PTPA: variants seen among roughly 807,000 people sequenced by gnomAD.
The protein encoded by PTPA is serine/threonine-protein phosphatase 2A activator.
In PTPA, 13 loss-of-function variants were observed where a neutral mutation model predicts 43.6. The observed-to-expected ratio is 0.30, with a 90% CI of 0.19 to 0.47. PTPA has a LOEUF of 0.47. Among genes scored for constraint, PTPA ranks in the 20% least tolerant of loss-of-function variants. The pLI, the probability that PTPA is intolerant of heterozygous loss-of-function variation, is 0.99. For missense variants in PTPA, 329 were observed against 411.9 expected, an observed-to-expected ratio of 0.80 and a Z score of 1.74; for synonymous variants, 172 against 158.2, an observed-to-expected ratio of 1.09 and a Z score of -0.66.
At chr9:129,133,406 G>T (rs1407267796) in intron 5 of PTPA, among the ~76,000 whole-genome samples, 2 of 152,208 alleles carry the variant, frequency 1.3e-5, no homozygotes, top group Non-Finnish European at 2.9e-5. Context: ...ATGGGAGCCT[G>T]GGCCCTGTCT....
rs527665789 is a variant in PTPA, at chr9:129,113,981, T to C, written c.31+2350T>C. Among the ~76,000 whole-genome samples the C allele has an allele frequency of 2.6e-5, 4 of 152,230 alleles. No homozygotes were observed. The South Asian group carries it at 8.3e-4, about 32-fold the overall frequency. The stretch of plus-strand genomic sequence containing the variant: ...AGCCAGGTCCCTGGTTGTGGTCCTT[T>C]TTTGAAATTTGAAACAGAACTTTTG... On this transcript the variant is annotated intron_variant, in intron 1 of 9. Coordinates refer to ENST00000393370, the MANE Select transcript of PTPA (RefSeq NM_178000.3).
intron 3 of PTPA, among the ~76,000 whole-genome samples, chr9:129,123,975 G>A (rs972784442): frequency 4.8e-5 from 7 of 146,266 alleles, no homozygotes; most frequent in Middle Eastern, 3.4e-3. Flanking sequence ...GAGCCACTGC[G>A]CCTGGCCTGG....
chr9:129,143,717 A>C, intron 9 of PTPA: 2 of 371,670 alleles, frequency 5.4e-6, no homozygotes, highest in Non-Finnish European at 1.0e-5. Context: ...TCCAGCCCAC[A>C]TACCTCTCTA....
chr9:129,117,523 C>T (rs1015969820), intron 1 of PTPA, among the ~76,000 whole-genome samples: 14 of 152,006 alleles, frequency 9.2e-5, no homozygotes, highest in Non-Finnish European at 1.2e-4. Flanking sequence ...TCTGCCTCAG[C>T]CTCCCGAGTA....
chr9:129,140,897 C>T (rs1297857626), intron 8 of PTPA, among the ~76,000 whole-genome samples: 1 of 152,140 alleles, frequency 6.6e-6, no homozygotes, highest in African/African-American at 2.4e-5. Context: ...CTCGGGGTGC[C>T]TGGCTGCCCT....
In PTPA at chr9:129,142,525, G is replaced by T; in HGVS notation, c.867G>T (p.Gln289His). Residue 289 changes from glutamine (Q) to histidine (H), a missense_variant, in exon 9 of 10, where the codon CAG (glutamine) becomes CAT (histidine). Coordinates refer to ENST00000393370, the MANE Select transcript of PTPA (RefSeq NM_178000.3). The part of the protein sequence containing the change: ...SAVPSWSKVN[Q>H]GLIRMYKAEC... The stretch of plus-strand genomic sequence containing the variant: ...TCCCTTCCTGGTCCAAAGTGAACCA[G>T]GGTCTCATCCGCATGTATAAGGCCG... 1 of 1,614,122 alleles carries T rather than the reference G, an allele frequency of 6.2e-7. No individual in the cohort carries two copies. Among genetic ancestry groups the T allele is most frequent in the Non-Finnish European group, 8.5e-7 (1 of 1,179,972 alleles).
At position 129,128,904 on chromosome 9, in the gene PTPA, C is replaced by T. The variant is rs116502910; in HGVS notation, c.217-81C>T. ...AGGGGCCATGCCAAGGGGTCATTGT[C>T]TGGCAGCAGTGGACTTCCCTCTGTG... On this transcript the variant is annotated intron_variant, in intron 3 of 9. Coordinates refer to ENST00000393370, the MANE Select transcript of PTPA (RefSeq NM_178000.3). The T allele has an allele frequency of 1.4e-4, 226 of 1,560,430 alleles. No individual in the cohort carries two copies. In the African/African-American group the frequency reaches 2.9e-3, roughly 20 times the overall value.
chr9:129,127,547 G>C (rs181121669), intron 3 of PTPA, among the ~76,000 whole-genome samples: 13 of 152,192 alleles, frequency 8.5e-5, no homozygotes, highest in African/African-American at 1.7e-4. Flanking sequence ...ATTTTCCACC[G>C]GCCCTGGTGC....
At chr9:129,118,405 A>G (rs774631108) in intron 1 of PTPA, among the ~76,000 whole-genome samples, 1 of 140,636 alleles carries the variant, frequency 7.1e-6, no homozygotes, top group Non-Finnish European at 1.5e-5. Context: ...TCAGAGTTTC[A>G]CTCTTGTTGC....
intron 3 of PTPA, among the ~76,000 whole-genome samples, chr9:129,128,411 C>T (rs1028458802): frequency 5.3e-5 from 8 of 151,870 alleles, no homozygotes; most frequent in African/African-American, 1.7e-4. Flanking sequence ...TGGTGTGCGC[C>T]TTTAGTCCCA....
At chr9:129,133,006 G>A (rs1429358070) in intron 5 of PTPA, among the ~76,000 whole-genome samples, 1 of 151,976 alleles carries the variant, frequency 6.6e-6, no homozygotes, top group Non-Finnish European at 1.5e-5. Flanking sequence ...ACCATGCTGA[G>A]ACCCCATCTC....
At position 129,134,789 on chromosome 9, in the gene PTPA, C is replaced by T. The variant is rs1452917984; in HGVS notation, c.461-6C>T. Reference sequence around the variant, plus strand: ...ACTGTCAACGCTGGTTGTTTTTCTCCTCCAGGGCATGAGGCAGCCTTCGCT... The same window carrying T: ...ACTGTCAACGCTGGTTGTTTTTCTCTTCCAGGGCATGAGGCAGCCTTCGCT... On this transcript the variant is annotated splice_region_variant and splice_polypyrimidine_tract_variant and intron_variant, in intron 5 of 9. Coordinates refer to ENST00000393370, the MANE Select transcript of PTPA (RefSeq NM_178000.3). The T allele has an allele frequency of 2.5e-6, 4 of 1,611,978 alleles. No individual in the cohort carries two copies. The highest frequency in any genetic ancestry group is 3.4e-6 in the Non-Finnish European group (4 of 1,178,916).
chr9:129,112,971 CT>C (rs1848642932), intron 1 of PTPA, among the ~76,000 whole-genome samples: 1 of 151,420 alleles, frequency 6.6e-6, no homozygotes, highest in Admixed American at 6.6e-5. Context: ...GGTGTCCACT[CT>C]TTTGGCTTCT....
At chr9:129,146,956 T>G (rs1477669670) in intron 9 of PTPA, among the ~76,000 whole-genome samples, 1 of 152,252 alleles carries the variant, frequency 6.6e-6, no homozygotes, top group African/African-American at 2.4e-5. Flanking sequence ...TCCAGAGAAC[T>G]GAAAGCTGGA....
At chr9:129,118,730 G>A (rs981674932) in intron 1 of PTPA, among the ~76,000 whole-genome samples, 3 of 150,778 alleles carry the variant, frequency 2.0e-5, no homozygotes, top group African/African-American at 7.3e-5. Flanking sequence ...GCCCAGGTTG[G>A]TGTCAAACTC....
upstream of PTPA, chr9:129,111,359 T>G (rs3124501): frequency 1 from 1,195,130 of 1,196,192 alleles, 597,045 homozygotes; most frequent in South Asian, 1. Flanking sequence ...CGTCGCCCGG[T>G]TCCGCGCGTC....
At chr9:129,135,019 A>G (rs1312085080) in intron 6 of PTPA, 125 bp downstream of exon 6, 6 of 741,290 alleles carry the variant, frequency 8.1e-6, no homozygotes, top group Non-Finnish European at 1.3e-5. Flanking sequence ...TCCTGTCCTA[A>G]TCAAGCTCTG....
At chr9:129,138,201 G>T (rs533458807) in intron 8 of PTPA, 36 of 201,700 alleles carry the variant, frequency 1.8e-4, no homozygotes, top group Admixed American at 1.3e-3. Context: ...GAGTGGGAGT[G>T]CGCAGGCCTG....
chr9:129,145,081 A>G (rs1588542349), intron 9 of PTPA, among the ~76,000 whole-genome samples: 1 of 151,830 alleles, frequency 6.6e-6, no homozygotes, highest in Admixed American at 6.6e-5. Context: ...CTATAATCCC[A>G]GCACTTTGGG....
Sources: gnomAD v4.1 joint callset for allele counts (sites outside exome capture counted in the v4.1 genomes callset) on GRCh38, gnomAD v4.1.1 for gene constraint, MANE v1.5 for transcripts, NCBI Gene and HGNC (gene_info 2026-07-23, HGNC 2026-07-21) for gene names.